Variants in CAST observed in about 807,000 individuals in gnomAD.
The protein encoded by CAST is calpastatin.
CAST carries 76 observed loss-of-function variants against 119.6 expected under a neutral mutation model. The ratio of observed to expected loss-of-function variants is 0.64; its 90% CI spans 0.53 to 0.77. The LOEUF (loss-of-function observed/expected upper bound fraction) is 0.77, where lower values mean the gene tolerates loss of function less well. CAST is among the 30% of genes least tolerant of loss of function. CAST has a pLI of 0.00. For missense variants in CAST, 953 were observed against 946.5 expected, an observed-to-expected ratio of 1.01 and a Z score of -0.09; for synonymous variants, 319 against 331.6, an observed-to-expected ratio of 0.96 and a Z score of 0.41.
chr5:95,972,884 A>G, the CAST span, among the ~76,000 whole-genome samples: 1 of 152,166 alleles, frequency 6.6e-6, no homozygotes, highest in Non-Finnish European at 1.5e-5. Flanking sequence ...TTGATTTTTT[A>G]TTAGCACAAG....
chr5:96,128,002 G>A, the CAST span, among the ~76,000 whole-genome samples: 1 of 152,064 alleles, frequency 6.6e-6, no homozygotes, highest in African/African-American at 2.4e-5. Context: ...ATAAGGTCAT[G>A]ATGAGTTTCT....
At chr5:95,968,563 G>A in the CAST span, among the ~76,000 whole-genome samples, 1,259 of 152,104 alleles carry the variant, frequency 8.3e-3, 16 homozygotes, top group African/African-American at 0.029. Flanking sequence ...CTCTTCCCGC[G>A]GGACTGTATC....
chr5:96,651,913 A>G (rs577277794), intron 1 of CAST, among the ~76,000 whole-genome samples: 15 of 152,334 alleles, frequency 9.8e-5, no homozygotes, highest in Middle Eastern at 3.4e-3. Flanking sequence ...AGGAATAAAG[A>G]CACACATATT....
the CAST span, among the ~76,000 whole-genome samples, chr5:96,250,850 G>A: frequency 6.6e-6 from 1 of 152,192 alleles, no homozygotes; most frequent in African/African-American, 2.4e-5. Flanking sequence ...TCTAGAAAAA[G>A]ATGCTGATTA....
chr5:96,099,018 C>T, the CAST span, among the ~76,000 whole-genome samples: 2 of 152,080 alleles, frequency 1.3e-5, no homozygotes, highest in African/African-American at 2.4e-5. Flanking sequence ...GTTTGTAGTT[C>T]TCCTTGTAGA....
At chr5:96,177,723 A>T in the CAST span, among the ~76,000 whole-genome samples, 1 of 152,192 alleles carries the variant, frequency 6.6e-6, no homozygotes, top group African/African-American at 2.4e-5. Context: ...GGAGGAACTG[A>T]TTCATCTGTT....
At chr5:96,702,914 G>A in intron 3 of CAST, 6 of 985,598 alleles carry the variant, frequency 6.1e-6, no homozygotes, top group Non-Finnish European at 7.2e-6. Context: ...TGTCCACGCA[G>A]AGTGAGTACT....
At position 96,741,132 on chromosome 5, in the gene CAST, A is replaced by T. The variant is rs59848421; in HGVS notation, c.919-134A>T. ...TCTTCAAAACATACACTTTGATCTA[A>T]GTTGTTTCATTAACACACCTCATTT... On this transcript the variant is annotated intron_variant, in intron 13 of 31. Coordinates refer to ENST00000675179, the MANE Select transcript of CAST (RefSeq NM_001750.7). 6.1e-3 allele frequency: 3,780 copies of T among 624,252 alleles called. 111 individuals are homozygous for T. In the African/African-American group the frequency reaches 0.061, roughly 10 times the overall value. The allele number at this position is 624,252 out of a possible 1,614,324, so 38.7% of individuals were successfully genotyped here.
chr5:96,599,975 A>AAAAAAAAAAAAAAG (rs762798506), intron 1 of CAST, among the ~76,000 whole-genome samples: 8,620 of 139,672 alleles, frequency 0.062, 231 homozygotes, highest in African/African-American at 0.098. Flanking sequence ...GCAAAAAAAA[A>AAAAAAAAAAAAAAG]AAAAAAAACC....
At chr5:96,599,974 A>AAAAAAAAAAAACAAAAC (rs1460109288) in intron 1 of CAST, among the ~76,000 whole-genome samples, 1,831 of 125,630 alleles carry the variant, frequency 0.015, 26 homozygotes, top group Non-Finnish European at 0.022. Context: ...GGCAAAAAAA[A>AAAAAAAAAAAACAAAAC]AAAAAAAAAC....
chr5:96,273,068 A>G, the CAST span, among the ~76,000 whole-genome samples: 1 of 152,220 alleles, frequency 6.6e-6, no homozygotes, highest in Non-Finnish European at 1.5e-5. Context: ...TACCTTCCTT[A>G]AATGTCAGCC....
chr5:96,143,243 G>T, the CAST span, among the ~76,000 whole-genome samples: 1 of 152,148 alleles, frequency 6.6e-6, no homozygotes, highest in African/African-American at 2.4e-5. Context: ...TTACAGGCAT[G>T]ATTTCTCTTG....
chr5:96,421,893 T>C, the CAST span: 2 of 1,558,324 alleles, frequency 1.3e-6, no homozygotes, highest in East Asian at 2.2e-5. Flanking sequence ...TTCTCGTTTG[T>C]GGGATCATAT....
chr5:96,254,093 A>C, the CAST span, among the ~76,000 whole-genome samples: 1 of 152,096 alleles, frequency 6.6e-6, no homozygotes, highest in Non-Finnish European at 1.5e-5. Flanking sequence ...TATGATTTTC[A>C]GTTCTTATTT....
intron 1 of CAST, among the ~76,000 whole-genome samples, chr5:96,591,422 G>A (rs180821402): frequency 3.3e-5 from 5 of 152,278 alleles, no homozygotes; most frequent in Admixed American, 6.5e-5. Context: ...CTGATTAGTC[G>A]AGGTGGTCTT....
At chr5:96,236,397 C>T in the CAST span, among the ~76,000 whole-genome samples, 1 of 152,168 alleles carries the variant, frequency 6.6e-6, no homozygotes, top group East Asian at 1.9e-4. Context: ...TTGGTGCACC[C>T]TGTGTCCTGG....
the CAST span, among the ~76,000 whole-genome samples, chr5:96,092,629 T>C: frequency 6.6e-6 from 1 of 152,244 alleles, no homozygotes. Flanking sequence ...GTATTTGACC[T>C]AGAAGATTAC....
the CAST span, among the ~76,000 whole-genome samples, chr5:96,147,283 G>C: frequency 1.3e-5 from 2 of 152,210 alleles, no homozygotes; most frequent in Admixed American, 1.3e-4. Context: ...AAGAAGATCT[G>C]TTGTAAAAAC....
chr5:96,619,657 C>T (rs143971499), intron 1 of CAST, among the ~76,000 whole-genome samples: 77 of 152,274 alleles, frequency 5.1e-4, no homozygotes, highest in African/African-American at 1.5e-3. Flanking sequence ...CTGAAGCCAG[C>T]GAGACCACTA....
Sources: allele counts gnomAD v4.1 joint callset (sites outside exome capture counted in the v4.1 genomes callset), GRCh38; gene constraint gnomAD v4.1.1; transcripts MANE v1.5; gene names NCBI Gene and HGNC (gene_info 2026-07-23, HGNC 2026-07-21).